The following NIPA1 variants were observed in gnomAD, a reference collection of about 807,000 sequenced individuals.
The protein encoded by NIPA1 is NIPA magnesium transporter 1.
In NIPA1, 13 loss-of-function variants were observed where a neutral mutation model predicts 23.9. The observed-to-expected ratio is 0.54, with a 90% confidence interval of 0.35 to 0.87. NIPA1 has a LOEUF of 0.87. Among genes scored for constraint, NIPA1 ranks in the 40% least tolerant of loss-of-function variants. The probability of loss-of-function intolerance (pLI) is 0.01; values close to 1 mark genes in which losing one functional copy is unlikely to be tolerated. For missense variants in NIPA1, 362 were observed against 429.7 expected (o/e 0.84, Z 1.39); for synonymous variants, 234 against 202.9 (o/e 1.15, Z -1.30).
Position 22,824,722 on chromosome 15 carries a change from T to A in NIPA1, c.*483T>A, listed in dbSNP as rs1234139899. 5.7e-6 allele frequency: 1 copy of A among 174,146 alleles called. No homozygotes were observed. The highest frequency in any genetic ancestry group is 1.2e-5 in the Non-Finnish European group (1 of 80,628). 10.8% of individuals were successfully genotyped at this position (174,146 alleles called of 1,614,324 possible). On this transcript the variant is annotated 3_prime_UTR_variant, in exon 5 of 5. Transcript: ENST00000337435. The surrounding 1 kb of genome is among the most constrained non-coding windows in gnomAD (Gnocchi z 4.1). ...GCATGTATAACATTCAAGTATGTCATCCAAATAAGAGGCATATACATTGAA... is the reference window on the plus strand; with the variant it reads ...GCATGTATAACATTCAAGTATGTCAACCAAATAAGAGGCATATACATTGAA...
chr15:22,822,656 C>A (rs1036787374), intron 4 of NIPA1, among the ~76,000 whole-genome samples: 20 of 152,032 alleles, frequency 1.3e-4, no homozygotes, highest in African/African-American at 4.3e-4. Context: ...TGGCGAAACC[C>A]CGTCTCTGCT....
At position 22,829,131 on chromosome 15, in the gene NIPA1, T is replaced by C. The variant is rs977967320; in HGVS notation, c.*4892T>C. 4 of 152,238 alleles carry C rather than the reference T, an allele frequency of 2.6e-5. No individual in the cohort carries two copies. The highest frequency in any genetic ancestry group is 9.6e-5 in the African/African-American group (4 of 41,456). 9.4% of individuals were successfully genotyped at this position (152,238 alleles called of 1,614,324 possible). A position where few individuals can be genotyped will look rare whatever the true frequency, so the allele number is the denominator to read the frequency against. On this transcript the variant is annotated 3_prime_UTR_variant, in exon 5 of 5. Transcript: ENST00000337435. ...ATGTTCTATTGTAAAATATGGAAAT[T>C]AAACAGGGACTTCAGAAAGCCGCAC...
At chr15:22,787,260 G>T (rs1028186775) in intron 1 of NIPA1, among the ~76,000 whole-genome samples, 1 of 152,160 alleles carries the variant, frequency 6.6e-6, no homozygotes, top group Non-Finnish European at 1.5e-5. Context: ...CTCGAGCCCA[G>T]CGCCCGCCTG....
rs191103351 is a variant in NIPA1, at chr15:22,816,335, C to T, written c.318-3978C>T. ...TCCCGAGTAGCTGGGACTACAGGCG[C>T]GTACCACCATGCCCAGCTAATTTTT... On this transcript the variant is annotated intron_variant, in intron 3 of 4. Coordinates refer to ENST00000337435, the MANE Select transcript of NIPA1 (RefSeq NM_144599.5). Among the ~76,000 whole-genome samples the T allele has an allele frequency of 1.7e-4, 26 of 150,792 alleles. 1 individual carries two copies. Among genetic ancestry groups the T allele is most frequent in the African/African-American group, 4.9e-4 (20 of 41,058 alleles).
In NIPA1 at chr15:22,798,127, G is replaced by A. The variant is rs996016196; in HGVS notation, c.178+11293G>A. Among the ~76,000 whole-genome samples, 10 of 151,750 alleles carry A rather than the reference G, an allele frequency of 6.6e-5. No individual in the cohort carries two copies. The East Asian group carries it at 1.2e-3, about 18-fold the overall frequency. ...CTCCTAAAATGCCGGGATTACAGGC[G>A]TGAGCCACCGCGCCCGGCCTCAAAA... On this transcript the variant is annotated intron_variant, in intron 1 of 4. Coordinates refer to ENST00000337435, the MANE Select transcript of NIPA1 (RefSeq NM_144599.5).
intron 2 of NIPA1, chr15:22,811,042 C>G (rs1191928916): frequency 3.7e-6 from 2 of 545,322 alleles, no homozygotes; most frequent in East Asian, 6.5e-5. Flanking sequence ...GTGGAGGCCC[C>G]TGCTGCCCAC....
intron 1 of NIPA1, among the ~76,000 whole-genome samples, chr15:22,809,116 G>A (rs1895270124): frequency 6.6e-6 from 1 of 152,142 alleles, no homozygotes; most frequent in South Asian, 2.1e-4. Flanking sequence ...GCTGGGCACG[G>A]TGATTCACTC....
Position 22,820,246 on chromosome 15 carries a change from T to C in NIPA1, c.318-67T>C, listed in dbSNP as rs1419601264. 3.6e-6 allele frequency: 4 copies of C among 1,101,358 alleles called. No individual in the cohort carries two copies. In the African/African-American group the frequency reaches 4.6e-5, roughly 13 times the overall value. 68.2% of individuals were successfully genotyped at this position (1,101,358 alleles called of 1,614,324 possible). On this transcript the variant is annotated intron_variant, in intron 3 of 4. Coordinates refer to ENST00000337435, the MANE Select transcript of NIPA1 (RefSeq NM_144599.5). Reference sequence around the variant, plus strand: ...GAAAATGGTTTTTCTAGATAAAATATCTGCTGTTAGAAGAAAGGTCAGGTA... The same window carrying C: ...GAAAATGGTTTTTCTAGATAAAATACCTGCTGTTAGAAGAAAGGTCAGGTA...
chr15:22,786,670 C>T lies in NIPA1; in HGVS notation c.14C>T (p.Ala5Val). 22 of 1,078,524 alleles carry T rather than the reference C, an allele frequency of 2.0e-5. No homozygotes were observed. The highest frequency in any genetic ancestry group is 2.5e-5 in the Non-Finnish European group (22 of 893,868). The allele number at this position is 1,078,524 out of a possible 1,614,324, so 66.8% of individuals were successfully genotyped here. A position where few individuals can be genotyped will look rare whatever the true frequency, so the allele number is the denominator to read the frequency against. The change falls in exon 1 of 5, where the codon GCT (alanine) becomes GTT (valine). Residue 5 changes from alanine to valine, a missense_variant. Transcript: ENST00000337435. ...GGCGCGGGCGGAATGGGGACTGCAG[C>T]TGCGGCAGCGGCGGCGGCGGCGGCG... The part of the protein sequence containing the change: MGTA[A>V]AAAAAAAAAA...
chr15:22,824,038 C>T lies in NIPA1; in HGVS notation c.789C>T (p.Ile263=). ...TCGACTCCTCGGTGTTCGGGGCCAT[C>T]TACTACGTCGTGTTTACCACGCTGG... ...ECFDSSVFGA[I]YYVVFTTLVL... Residue 263 remains isoleucine, a synonymous_variant, in exon 5 of 5, where the codon ATC becomes ATT. Coordinates refer to ENST00000337435, the MANE Select transcript of NIPA1 (RefSeq NM_144599.5). The surrounding 1 kb of genome is among the most constrained non-coding windows in gnomAD (Gnocchi z 4.1). 6.2e-7 allele frequency: 1 copy of T among 1,614,134 alleles called. No individual in the cohort carries two copies. Among genetic ancestry groups the T allele is most frequent in the Non-Finnish European group, 8.5e-7 (1 of 1,179,968 alleles).
At chr15:22,813,583 A>T in intron 3 of NIPA1, 1 of 450,032 alleles carries the variant, frequency 2.2e-6, no homozygotes, top group Non-Finnish European at 4.4e-6. Flanking sequence ...AAGAGAAATA[A>T]AATCCAAGTT....
chr15:22,795,286 G>A (rs1430841717), intron 1 of NIPA1, among the ~76,000 whole-genome samples: 1 of 152,094 alleles, frequency 6.6e-6, no homozygotes. Context: ...CAGAAAAGGA[G>A]ATAAAGGAGG....
Position 22,812,290 on chromosome 15 carries a change from G to A in NIPA1, c.317+37G>A. The A allele has an allele frequency of 2.9e-6, 4 of 1,388,096 alleles. No individual in the cohort carries two copies. In the South Asian group the frequency reaches 3.5e-5, roughly 12 times the overall value. The allele number at this position is 1,388,096 out of a possible 1,614,324, so 86.0% of individuals were successfully genotyped here. A position where few individuals can be genotyped will look rare whatever the true frequency, so the allele number is the denominator to read the frequency against. On this transcript the variant is annotated intron_variant, in intron 3 of 4. Transcript: ENST00000337435. ...GATTGTGTTTGGTATTTAATGTGTA[G>A]TGTAGATATAACAACTTTTCATTTT... is the stretch of plus-strand genomic sequence containing the variant.
At chr15:22,823,611 C>A in intron 4 of NIPA1, 117 bp from the exon 5 acceptor site, 1 of 982,470 alleles carries the variant, frequency 1.0e-6, no homozygotes, top group South Asian at 1.4e-5. Flanking sequence ...AGGGCTGTGC[C>A]GCAGTAGAGG....
chr15:22,815,584 C>G (rs965912666), intron 3 of NIPA1, among the ~76,000 whole-genome samples: 1 of 151,976 alleles, frequency 6.6e-6, no homozygotes, highest in Admixed American at 6.6e-5. Context: ...AACCACTGCT[C>G]CAGCCTGGGT....
At chr15:22,801,621 G>A (rs778041439) in intron 1 of NIPA1, among the ~76,000 whole-genome samples, 1 of 149,378 alleles carries the variant, frequency 6.7e-6, no homozygotes, top group Non-Finnish European at 1.5e-5. Context: ...GGTTCAAGCA[G>A]TTCTCCTGCC....
intron 1 of NIPA1, among the ~76,000 whole-genome samples, chr15:22,796,877 G>A (rs556318423): frequency 6.6e-6 from 1 of 152,194 alleles, no homozygotes; most frequent in South Asian, 2.1e-4. Context: ...AGTATATCTT[G>A]AGTTTCCAGA....
chr15:22,810,898 G>T, intron 2 of NIPA1, 102 bp downstream of exon 2: 1 of 913,068 alleles, frequency 1.1e-6, no homozygotes, highest in East Asian at 2.4e-5. Flanking sequence ...TCTGTTCTTT[G>T]GAAGAGGGTG....
In NIPA1 at chr15:22,805,512, C is replaced by G. The variant is rs561314308; in HGVS notation, c.179-5237C>G. On this transcript the variant is annotated intron_variant, in intron 1 of 4. Transcript: ENST00000337435. ...GACCATCCTGACCAATATGGTGAAACCCTGTCTCTACTAAAAATACAAAAA... is the reference window on the plus strand; with the variant it reads ...GACCATCCTGACCAATATGGTGAAAGCCTGTCTCTACTAAAAATACAAAAA... 7.3e-4 allele frequency among the ~76,000 whole-genome samples: 111 copies of G among 152,200 alleles called. 2 individuals are homozygous for G. The highest frequency in any genetic ancestry group is 2.6e-3 in the African/African-American group (107 of 41,538).
Sources: allele counts gnomAD v4.1 joint callset (sites outside exome capture counted in the v4.1 genomes callset), GRCh38; gene constraint gnomAD v4.1.1; non-coding constraint Gnocchi (gnomAD v3.1); transcripts MANE v1.5; gene names NCBI Gene and HGNC (gene_info 2026-07-23, HGNC 2026-07-21).